TP63: variants seen among roughly 807,000 people sequenced by gnomAD.
TP63 encodes tumor protein p63.
Under a neutral mutation model 82.8 loss-of-function variants are expected in TP63, and 17 were observed. The ratio of observed to expected loss-of-function variants is 0.21; its 90% CI spans 0.14 to 0.31. TP63 has a LOEUF of 0.31. TP63 is among the 10% of genes least tolerant of loss of function. The pLI is 1.00. For synonymous variants in TP63, 330 were observed against 321.7 expected (o/e 1.03, Z -0.28); for missense variants, 648 against 895.3 (o/e 0.72, Z 3.52).
intron 3 of TP63, among the ~76,000 whole-genome samples, chr3:189,750,719 G>A (rs532357515): frequency 6.6e-6 from 1 of 152,310 alleles, no homozygotes; most frequent in Admixed American, 6.5e-5. Context: ...GACGATAGTA[G>A]TAGTTAGGAT....
At chr3:189,880,315 GCTCAAAGGCACAAAGCCACTA>G in intron 10 of TP63, 1 of 1,323,164 alleles carries the variant, frequency 7.6e-7, no homozygotes, top group Non-Finnish European at 9.7e-7. Context: ...AGACCCAACT[GCTCAAAGGCACAAAGCCACTA>G]GTGAGAGAAT....
chr3:189,877,412 T>C (rs1719360098), intron 10 of TP63, among the ~76,000 whole-genome samples: 1 of 152,200 alleles, frequency 6.6e-6, no homozygotes, highest in Non-Finnish European at 1.5e-5. Flanking sequence ...TACTATTTCT[T>C]TTTTCATTTG....
chr3:189,658,012 G>A (rs546426700), intron 1 of TP63, among the ~76,000 whole-genome samples: 1 of 152,020 alleles, frequency 6.6e-6, no homozygotes, highest in East Asian at 1.9e-4. Context: ...TTGGAAAAGT[G>A]GCAATTCTCA....
intron 3 of TP63, 104 bp downstream of exon 3, chr3:189,738,878 G>A (rs1382733808): frequency 2.0e-5 from 31 of 1,516,830 alleles, no homozygotes; most frequent in Non-Finnish European, 2.1e-5. Flanking sequence ...GCTCTGAATG[G>A]CCAAGGCCTT....
rs745376905 is a variant in TP63 at position 189,872,943 on chromosome 3, G to C, written c.1297G>C (p.Glu433Gln). 3 of 1,614,092 alleles carry C rather than the reference G, an allele frequency of 1.9e-6. No individual in the cohort carries two copies. Among genetic ancestry groups the C allele is most frequent in the Non-Finnish European group, 2.5e-6 (3 of 1,179,998 alleles). Residue 433 changes from glutamate to glutamine, a missense_variant, in exon 10 of 14, where the codon GAA (glutamate) becomes CAA (glutamine). This residue lies in a region of TP63 where 342 missense variants were observed against 425.7 expected (regional missense o/e 0.80). Transcript: ENST00000264731. ...LMQYLPQHTI[E>Q]TYRQQQQQQH... ...GCAGTACCTTCCTCAGCACACAATT[G>C]AAACGTACAGGCAACAGCAACAGCA...
intron 10 of TP63, among the ~76,000 whole-genome samples, chr3:189,883,972 T>C (rs1720184179): frequency 6.6e-6 from 1 of 152,210 alleles, no homozygotes; most frequent in East Asian, 1.9e-4. Flanking sequence ...AATGTATTTT[T>C]ATTTTTCTAA....
the TP63 span, among the ~76,000 whole-genome samples, chr3:189,621,823 A>G: frequency 1.1e-3 from 174 of 152,352 alleles, no homozygotes; most frequent in Non-Finnish European, 2.0e-3. Flanking sequence ...TATAAGAGAT[A>G]ACTGAAGAAG....
rs779424790 is a variant in TP63, at chr3:189,765,713, G to A, written c.324+26939G>A. Among the ~76,000 whole-genome samples, 6 of 151,802 alleles carry A rather than the reference G, an allele frequency of 4.0e-5. 1 individual carries two copies. The highest frequency in any genetic ancestry group is 2.1e-4 in the South Asian group (1 of 4,802). ...CTCCCAAAGTGCTGGGATTTAAGGC[G>A]TGAGCCACCGCGCCCGGCCTGTCCT... is the stretch of plus-strand genomic sequence containing the variant. On this transcript the variant is annotated intron_variant, in intron 3 of 13. Coordinates refer to ENST00000264731, the MANE Select transcript of TP63 (RefSeq NM_003722.5).
intron 3 of TP63, among the ~76,000 whole-genome samples, chr3:189,747,883 AAAT>A (rs552187306): frequency 1.1e-3 from 165 of 151,940 alleles, no homozygotes; most frequent in African/African-American, 3.8e-3. Flanking sequence ...CAGAAATGAA[AAAT>A]ATATCACCGA....
intron 4 of TP63, among the ~76,000 whole-genome samples, chr3:189,820,122 G>A (rs970891741): frequency 6.6e-6 from 1 of 152,122 alleles, no homozygotes; most frequent in East Asian, 1.9e-4. Flanking sequence ...GGCATATTTT[G>A]CAGTTATTTA....
intron 1 of TP63, among the ~76,000 whole-genome samples, chr3:189,706,389 G>T (rs934466163): frequency 6.6e-6 from 1 of 151,954 alleles, no homozygotes; most frequent in African/African-American, 2.4e-5. Context: ...CCCAAGTAGT[G>T]GGATTACAGG....
In TP63 at chr3:189,744,922, G is replaced by A. The variant is rs536459747; in HGVS notation, c.324+6148G>A. ...GCAGGAGTCCAAAGGCTGGCCTACC[G>A]GGTGTCTAAAACCCAGCAAAATTCA... On this transcript the variant is annotated intron_variant, in intron 3 of 13. Transcript: ENST00000264731. 3.4e-4 allele frequency among the ~76,000 whole-genome samples: 52 copies of A among 152,262 alleles called. No homozygotes were observed. In the South Asian group the frequency reaches 9.8e-3, roughly 29 times the overall value.
chr3:189,679,834 G>A (rs1401218387), intron 1 of TP63, among the ~76,000 whole-genome samples: 2 of 152,052 alleles, frequency 1.3e-5, no homozygotes, highest in South Asian at 2.1e-4. Flanking sequence ...AATTCTTGAC[G>A]TGGATATTCA....
intron 4 of TP63, among the ~76,000 whole-genome samples, chr3:189,853,685 C>T (rs1715932580): frequency 6.6e-6 from 1 of 152,170 alleles, no homozygotes; most frequent in Non-Finnish European, 1.5e-5. Flanking sequence ...TTTCTTATAG[C>T]ACTTATCACT....
At chr3:189,763,657 C>G (rs768773853) in intron 3 of TP63, among the ~76,000 whole-genome samples, 1 of 152,156 alleles carries the variant, frequency 6.6e-6, no homozygotes, top group South Asian at 2.1e-4. Context: ...AGAGGTTATA[C>G]TAGGAAGACG....
chr3:189,665,900 A>T (rs573080469), intron 1 of TP63, among the ~76,000 whole-genome samples: 1 of 152,116 alleles, frequency 6.6e-6, no homozygotes, highest in South Asian at 2.1e-4. Context: ...CTTCCAGTAT[A>T]TAAAAGCATT....
chr3:189,739,881 C>T (rs959006386), intron 3 of TP63, among the ~76,000 whole-genome samples: 1 of 150,710 alleles, frequency 6.6e-6, no homozygotes, highest in African/African-American at 2.4e-5. Flanking sequence ...AGCTAGACAG[C>T]GGGGTGTCAT....
chr3:189,714,611 G>A (rs1718826128), intron 1 of TP63, among the ~76,000 whole-genome samples: 1 of 152,108 alleles, frequency 6.6e-6, no homozygotes, highest in Non-Finnish European at 1.5e-5. Context: ...TCTCACTGAT[G>A]TACACCACAG....
intron 3 of TP63, among the ~76,000 whole-genome samples, chr3:189,760,308 G>A (rs1053216984): frequency 6.6e-6 from 1 of 152,170 alleles, no homozygotes; most frequent in Non-Finnish European, 1.5e-5. Context: ...CTGCCTATGA[G>A]CCTGTAAAAT....
Sources: allele counts gnomAD v4.1 joint callset (sites outside exome capture counted in the v4.1 genomes callset), GRCh38; gene constraint gnomAD v4.1.1; regional missense constraint gnomAD v4.1.1; transcripts MANE v1.5; gene names NCBI Gene and HGNC (gene_info 2026-07-23, HGNC 2026-07-21).